The following GEN1 variants were observed in gnomAD, a reference collection of about 807,000 sequenced individuals.
GEN1 encodes flap endonuclease GEN homolog 1.
In GEN1, 64 loss-of-function variants were observed where a neutral mutation model predicts 67.6. That is an observed-to-expected ratio of 0.95 (90% CI 0.77 to 1.17). The LOEUF is 1.17. GEN1 is among the 50% of genes most tolerant of loss of function. The pLI is 0.00. For synonymous variants in GEN1, 371 were observed against 359.4 expected (o/e 1.03, Z -0.37); for missense variants, 1,058 against 1,048.3 (o/e 1.01, Z -0.13).
chr2:17,771,096 T>C, intron 6 of GEN1, 100 bp from the exon 7 acceptor site: 5 of 751,158 alleles, frequency 6.7e-6, no homozygotes, highest in Non-Finnish European at 1.2e-5. Context: ...GGAAAATAAT[T>C]AGGTAGGTGA....
At chr2:17,757,329 T>C (rs1671475637) in intron 1 of GEN1, among the ~76,000 whole-genome samples, 1 of 151,912 alleles carries the variant, frequency 6.6e-6, no homozygotes, top group South Asian at 2.1e-4. Flanking sequence ...CTTAATATAC[T>C]TGAAATACTT....
At chr2:17,780,535 T>C (rs993062270) in intron 13 of GEN1, 86 bp from the exon 14 acceptor site, 4 of 866,486 alleles carry the variant, frequency 4.6e-6, no homozygotes, top group Non-Finnish European at 7.1e-6. Flanking sequence ...TAGAGATTTC[T>C]CTCTGAACTG....
In GEN1 at chr2:17,786,297, G is replaced by A. The variant is rs1165612463; in HGVS notation, c.*4358G>A. ...GAATGCAGCCAAGCACTGCCTTTTGGTAAAAATGTGGACACAGTAACACTA... is the reference window on the plus strand; with the variant it reads ...GAATGCAGCCAAGCACTGCCTTTTGATAAAAATGTGGACACAGTAACACTA... On this transcript the variant is annotated 3_prime_UTR_variant, in exon 14 of 14. Coordinates refer to ENST00000381254, the MANE Select transcript of GEN1 (RefSeq NM_001130009.3). 1 of 152,224 alleles carries A rather than the reference G, an allele frequency of 6.6e-6. No homozygotes were observed. Among genetic ancestry groups the A allele is most frequent in the Non-Finnish European group, 1.5e-5 (1 of 68,032 alleles). 9.4% of individuals were successfully genotyped at this position (152,224 alleles called of 1,614,324 possible).
intron 3 of GEN1, among the ~76,000 whole-genome samples, chr2:17,762,340 T>C (rs930268576): frequency 6.6e-6 from 1 of 151,462 alleles, no homozygotes; most frequent in Non-Finnish European, 1.5e-5. Flanking sequence ...TAGCTGGGAC[T>C]ACAGGCGCCC....
chr2:17,769,819 T>C (rs911835452), intron 6 of GEN1, among the ~76,000 whole-genome samples: 2 of 152,124 alleles, frequency 1.3e-5, no homozygotes, highest in South Asian at 2.1e-4. Flanking sequence ...ATATTAATGA[T>C]GATAGGTATA....
At position 17,785,729 on chromosome 2, in the gene GEN1, AC is replaced by A. The variant is rs1673035611; in HGVS notation, c.*3791del. 1 of 152,212 alleles carries A rather than the reference AC, an allele frequency of 6.6e-6. No homozygotes were observed. Among genetic ancestry groups the A allele is most frequent in the South Asian group, 2.1e-4 (1 of 4,830 alleles). 9.4% of individuals were successfully genotyped at this position (152,212 alleles called of 1,614,324 possible). ...GCCAACATGGTGAAACCCCATCTCT[AC>A]TAAAAATACAAAAATCAGTGGGGCC... On this transcript the variant is annotated 3_prime_UTR_variant, in exon 14 of 14. Coordinates refer to ENST00000381254, the MANE Select transcript of GEN1 (RefSeq NM_001130009.3).
At chr2:17,753,652 G>A (rs1428982725), upstream of GEN1, 2 of 152,282 alleles carry the variant, frequency 1.3e-5, no homozygotes, top group Non-Finnish European at 2.9e-5. Flanking sequence ...TCTCCCAAAG[G>A]AACCTGATCG....
intron 1 of GEN1, among the ~76,000 whole-genome samples, chr2:17,758,431 G>A (rs573055425): frequency 2.0e-5 from 3 of 152,234 alleles, no homozygotes; most frequent in African/African-American, 7.2e-5. Flanking sequence ...TTAATAATTT[G>A]TCTCATTTCT....
rs2125196088 is a variant in GEN1 at position 17,788,356 on chromosome 2, T to G, written c.*6417T>G. 1 of 152,310 alleles carries G rather than the reference T, an allele frequency of 6.6e-6. No homozygotes were observed. Among genetic ancestry groups the G allele is most frequent in the Middle Eastern group, 3.4e-3 (1 of 294 alleles). The allele number at this position is 152,310 out of a possible 1,614,324, so 9.4% of individuals were successfully genotyped here. ...CAGCCCCAGCAATAGTCCAAAACAG[T>G]GGGACTCTTTTTGATGATTTCAAAA... On this transcript the variant is annotated 3_prime_UTR_variant, in exon 14 of 14. Coordinates refer to ENST00000381254, the MANE Select transcript of GEN1 (RefSeq NM_001130009.3).
intron 6 of GEN1, chr2:17,770,995 G>A (rs1042506072): frequency 2.0e-5 from 13 of 636,172 alleles, no homozygotes; most frequent in African/African-American, 5.4e-5. Flanking sequence ...CTGTCTTGCA[G>A]TTCTGCTGTC....
Position 17,781,311 on chromosome 2 carries a change from T to C in GEN1, c.2099T>C (p.Ile700Thr). 1.2e-6 allele frequency: 2 copies of C among 1,613,842 alleles called. No individual in the cohort carries two copies. The highest frequency in any genetic ancestry group is 1.7e-6 in the Non-Finnish European group (2 of 1,179,750). Reference protein sequence around the residue: ...QPDVNLKTLSILSVKESCIAN... With the variant: ...QPDVNLKTLSTLSVKESCIAN... ...GATGTCAACCTGAAAACTTTGTCCA[T>C]ACTTAGTGTAAAAGAATCTTGTATT... is the stretch of plus-strand genomic sequence containing the variant. Residue 700 changes from isoleucine to threonine, a missense_variant, in exon 14 of 14, where the codon ATA (isoleucine) becomes ACA (threonine). Ile to Thr is a moderately conservative substitution (Grantham distance 89). Coordinates refer to ENST00000381254, the MANE Select transcript of GEN1 (RefSeq NM_001130009.3).
intron 1 of GEN1, chr2:17,755,465 A>C (rs933255798): frequency 2.6e-5 from 4 of 152,256 alleles, no homozygotes; most frequent in Non-Finnish European, 5.9e-5. Flanking sequence ...ATTTATTGAT[A>C]AACGTGAAGT....
At chr2:17,765,417 A>G (rs770702235) in intron 4 of GEN1, among the ~76,000 whole-genome samples, 18 of 152,248 alleles carry the variant, frequency 1.2e-4, no homozygotes, top group Non-Finnish European at 2.2e-4. Context: ...AAAGAGAGAG[A>G]TATAAAGATG....
chr2:17,778,138 GTA>G lies in GEN1; in HGVS notation c.1264+90_1264+91del, dbSNP rs10535305. Reference sequence around the variant, plus strand: ...TATGTCTAGTAAATATTGTATATGTGTATATATATATATATACACACACACAT... The same window carrying G: ...TATGTCTAGTAAATATTGTATATGTGTATATATATATATACACACACACAT... On this transcript the variant is annotated intron_variant, in intron 12 of 13. Coordinates refer to ENST00000381254, the MANE Select transcript of GEN1 (RefSeq NM_001130009.3). 41,382 of 539,162 alleles carry G rather than the reference GTA, an allele frequency of 0.077. 1,913 individuals are homozygous for G. The highest frequency in any genetic ancestry group is 0.088 in the African/African-American group (3,691 of 41,906). The allele number at this position is 539,162 out of a possible 1,614,324, so 33.4% of individuals were successfully genotyped here.
rs2125119569 is a variant in GEN1 at position 17,760,084 on chromosome 2, C to T, written c.141C>T (p.Ser47=). Residue 47 remains serine (S), a synonymous_variant, in exon 2 of 14, where the codon AGC becomes AGT. Coordinates refer to ENST00000381254, the MANE Select transcript of GEN1 (RefSeq NM_001130009.3). The stretch of plus-strand genomic sequence containing the variant: ...AGACAGTCAAAAAAATGATGGGCAG[C>T]GTCATGAAGCCCCACCTCAGGTATA... The part of the protein sequence containing the change: ...EAQTVKKMMG[S]VMKPHLRNLF... The T allele has an allele frequency of 3.7e-6, 6 of 1,613,776 alleles. No homozygotes were observed. The highest frequency in any genetic ancestry group is 2.2e-5 in the East Asian group (1 of 44,864).
chr2:17,772,566 A>T (rs1672239364), intron 7 of GEN1, 68 bp from the exon 8 acceptor site: 3 of 1,434,022 alleles, frequency 2.1e-6, no homozygotes, highest in Non-Finnish European at 1.9e-6. Flanking sequence ...ATACTGGCAA[A>T]AAGAATGTAT....
At chr2:17,774,490 G>A in intron 11 of GEN1, 89 bp downstream of exon 11, 2 of 1,125,978 alleles carry the variant, frequency 1.8e-6, no homozygotes, top group Non-Finnish European at 2.4e-6. Flanking sequence ...GCTCGTTTTT[G>A]TAAAGGTGGA....
In GEN1 at chr2:17,781,988, T is replaced by C; in HGVS notation, c.*49T>C. The C allele has an allele frequency of 9.8e-7, 1 of 1,019,292 alleles. No individual in the cohort carries two copies. Among genetic ancestry groups the C allele is most frequent in the Non-Finnish European group, 1.4e-6 (1 of 694,236 alleles). The allele number at this position is 1,019,292 out of a possible 1,614,324, so 63.1% of individuals were successfully genotyped here. On this transcript the variant is annotated 3_prime_UTR_variant, in exon 14 of 14. Transcript: ENST00000381254. ...TTAACTATTTTAGTACTATCAGCAA[T>C]AGCAGAGACAGAGGGAAGGTATCTA...
intron 1 of GEN1, among the ~76,000 whole-genome samples, chr2:17,757,556 G>A (rs1329745514): frequency 1.3e-5 from 2 of 152,070 alleles, no homozygotes; most frequent in Admixed American, 1.3e-4. Flanking sequence ...ATTAGAAACA[G>A]GGTAGGAATG....
Sources: gnomAD v4.1 joint callset for allele counts (sites outside exome capture counted in the v4.1 genomes callset) on GRCh38, gnomAD v4.1.1 for gene constraint, MANE v1.5 for transcripts, NCBI Gene and HGNC (gene_info 2026-07-23, HGNC 2026-07-21) for gene names.